DAGLB: variants seen among roughly 807,000 people sequenced by gnomAD.
DAGLB encodes diacylglycerol lipase beta, also known as diacylglycerol lipase-beta.
A neutral mutation model predicts 72.1 loss-of-function variants in DAGLB; 66 were observed. The observed-to-expected ratio is 0.92, with a 90% CI of 0.75 to 1.12. The LOEUF (loss-of-function observed/expected upper bound fraction) is 1.12. Ranked by LOEUF, DAGLB falls within the 50% of genes most tolerant of loss-of-function variation. DAGLB has a pLI of 0.00. For missense variants in DAGLB, 1,065 were observed against 884.9 expected (o/e 1.20, Z -2.58); for synonymous variants, 414 against 359.5 (o/e 1.15, Z -1.71).
At position 6,409,747 on chromosome 7, in the gene DAGLB, T is replaced by C. The variant is rs182599475; in HGVS notation, c.*90A>G. The C allele has an allele frequency of 7.0e-4, 991 of 1,416,414 alleles. 10 individuals are homozygous for C. In the Middle Eastern group the frequency reaches 9.4e-3, roughly 13 times the overall value. 87.7% of individuals were successfully genotyped at this position (1,416,414 alleles called of 1,614,324 possible). ...TTCCTGTTGATGGACATTCGCTGTTTTGGCGTCATGGGAACTCCTCGGATG... is the reference window on the plus strand; with the variant it reads ...TTCCTGTTGATGGACATTCGCTGTTCTGGCGTCATGGGAACTCCTCGGATG... On this transcript the variant is annotated 3_prime_UTR_variant, in exon 15 of 15. Coordinates refer to ENST00000297056, the MANE Select transcript of DAGLB (RefSeq NM_139179.4).
rs1423946268 is a variant in DAGLB at position 6,437,260 on chromosome 7, C to G, written c.248-727G>C. ...CCAGGCAAACAGGGATATATGGTCA[C>G]CCAAGTTCTAACAGCCATGAAAACA... On this transcript the variant is annotated intron_variant, in intron 2 of 14. Transcript: ENST00000297056. Among the ~76,000 whole-genome samples the G allele has an allele frequency of 2.6e-5, 4 of 151,840 alleles. No homozygotes were observed. The East Asian group carries it at 7.7e-4, about 29-fold the overall frequency.
intron 13 of DAGLB, among the ~76,000 whole-genome samples, chr7:6,410,689 C>T (rs968760607): frequency 1.1e-4 from 16 of 152,072 alleles, no homozygotes; most frequent in African/African-American, 3.4e-4. Flanking sequence ...AATTATTTTC[C>T]GGCAATTCTG....
chr7:6,411,454 T>G (rs1783726655), intron 13 of DAGLB, among the ~76,000 whole-genome samples: 1 of 152,186 alleles, frequency 6.6e-6, no homozygotes, highest in African/African-American at 2.4e-5. Context: ...AGACCCTGTC[T>G]CTACAAAAAA....
intron 3 of DAGLB, 32 bp downstream of exon 3, chr7:6,436,330 C>G (rs375349292): frequency 1.3e-6 from 2 of 1,584,574 alleles, no homozygotes; most frequent in Non-Finnish European, 1.7e-6. Flanking sequence ...CTCAAATCCA[C>G]TGAAACTCAA....
chr7:6,414,209 A>G (rs1783828638), intron 11 of DAGLB, among the ~76,000 whole-genome samples: 1 of 151,346 alleles, frequency 6.6e-6, no homozygotes, highest in African/African-American at 2.4e-5. Context: ...ATAGGGTTTC[A>G]CCGTGTTAGC....
At chr7:6,425,422 C>T (rs1456074747) in intron 7 of DAGLB, among the ~76,000 whole-genome samples, 1 of 152,184 alleles carries the variant, frequency 6.6e-6, no homozygotes, top group South Asian at 2.1e-4. Context: ...CAGGCGCCTG[C>T]CACCACGCCC....
At chr7:6,441,166 C>A (rs1289686063) in intron 2 of DAGLB, among the ~76,000 whole-genome samples, 1 of 150,406 alleles carries the variant, frequency 6.6e-6, no homozygotes, top group Non-Finnish European at 1.5e-5. Context: ...TCTCGGCTCA[C>A]TGCAAGCTCC....
chr7:6,415,640 C>T lies in DAGLB; in HGVS notation c.1427+987G>A, dbSNP rs112001377. On this transcript the variant is annotated intron_variant, in intron 11 of 14. Transcript: ENST00000297056. The stretch of plus-strand genomic sequence containing the variant: ...ATCATGAGGTCAGAAGACAGGAGAT[C>T]GAGACCATCCTGGCTAACACGGTGA... 9.9e-3 allele frequency among the ~76,000 whole-genome samples: 1,497 copies of T among 151,202 alleles called. 12 individuals are homozygous for T. The highest frequency in any genetic ancestry group is 0.058 in the Middle Eastern group (17 of 292).
Position 6,436,198 on chromosome 7 carries a change from GACAA to G in DAGLB, c.419+160_419+163del, listed in dbSNP as rs1784650420. ...AACGAAAGACGAGTTGTATTTCATG[GACAA>G]ACAGTGTCTCTAAATTTTCATGAGT... is the stretch of plus-strand genomic sequence containing the variant. On this transcript the variant is annotated intron_variant, in intron 3 of 14. Coordinates refer to ENST00000297056, the MANE Select transcript of DAGLB (RefSeq NM_139179.4). Among the ~76,000 whole-genome samples the G allele has an allele frequency of 3.3e-5, 5 of 152,118 alleles. No individual in the cohort carries two copies. In the South Asian group the frequency reaches 6.2e-4, roughly 19 times the overall value.
intron 1 of DAGLB, among the ~76,000 whole-genome samples, chr7:6,446,348 C>A (rs991316132): frequency 2.7e-5 from 4 of 149,336 alleles, no homozygotes; most frequent in African/African-American, 9.8e-5. Context: ...CGTAGTGGTG[C>A]GCACCTGTAG....
At chr7:6,429,327 T>C (rs1310762150) in intron 6 of DAGLB, among the ~76,000 whole-genome samples, 1 of 151,800 alleles carries the variant, frequency 6.6e-6, no homozygotes, top group East Asian at 1.9e-4. Context: ...TTCTACAAAA[T>C]ATCTGCACTG....
chr7:6,438,135 T>C (rs185880062), intron 2 of DAGLB, among the ~76,000 whole-genome samples: 1 of 151,366 alleles, frequency 6.6e-6, no homozygotes, highest in East Asian at 1.9e-4. Context: ...TTTTCACTCA[T>C]AGGTGGGAAC....
intron 4 of DAGLB, among the ~76,000 whole-genome samples, chr7:6,433,732 G>A (rs1050185022): frequency 6.6e-6 from 1 of 151,790 alleles, no homozygotes; most frequent in African/African-American, 2.4e-5. Context: ...CCCAGCTATT[G>A]TAGTACTCTA....
intron 9 of DAGLB, among the ~76,000 whole-genome samples, chr7:6,418,194 C>T: frequency 6.6e-6 from 1 of 151,446 alleles, no homozygotes; most frequent in East Asian, 2.0e-4. Flanking sequence ...CTAACATATA[C>T]ATCTGTCCTC....
At chr7:6,428,430 A>G (rs1784379707) in intron 6 of DAGLB, among the ~76,000 whole-genome samples, 1 of 151,610 alleles carries the variant, frequency 6.6e-6, no homozygotes, top group Admixed American at 6.6e-5. Flanking sequence ...CTGCCAGATG[A>G]GAATTCAGAG....
In DAGLB at chr7:6,409,674, TC is replaced by T. The variant is rs1378306371; in HGVS notation, c.*162del. The T allele has an allele frequency of 2.2e-5, 18 of 837,014 alleles. No homozygotes were observed. Among genetic ancestry groups the T allele is most frequent in the Admixed American group, 5.8e-5 (2 of 34,692 alleles). 51.8% of individuals were successfully genotyped at this position (837,014 alleles called of 1,614,324 possible). On this transcript the variant is annotated 3_prime_UTR_variant, in exon 15 of 15. Coordinates refer to ENST00000297056, the MANE Select transcript of DAGLB (RefSeq NM_139179.4). ...TGCTACCATTATGGCCACAATGACT[TC>T]CCATAAACTTAAGTCATTGAGACCA...
intron 13 of DAGLB, among the ~76,000 whole-genome samples, chr7:6,411,162 G>A (rs1438239777): frequency 4.6e-5 from 7 of 151,854 alleles, no homozygotes; most frequent in Admixed American, 6.5e-5. Context: ...GTGAGCCACC[G>A]CGCCCGGCCT....
At position 6,430,658 on chromosome 7, in the gene DAGLB, G is replaced by C. The variant is rs370182132; in HGVS notation, c.802-51C>G. On this transcript the variant is annotated intron_variant, in intron 5 of 14. Transcript: ENST00000297056. ...GTTTATTAAGGGAACTCCTGACACAGAGGATCAACACACTGAGACCTGAAA... is the reference window on the plus strand; with the variant it reads ...GTTTATTAAGGGAACTCCTGACACACAGGATCAACACACTGAGACCTGAAA... The C allele has an allele frequency of 3.1e-5, 45 of 1,474,164 alleles. No individual in the cohort carries two copies. The Admixed American group carries it at 7.3e-4, about 24-fold the overall frequency. The allele number at this position is 1,474,164 out of a possible 1,614,324, so 91.3% of individuals were successfully genotyped here.
Position 6,417,109 on chromosome 7 carries a change from G to A in DAGLB, c.1219-188C>T, listed in dbSNP as rs1783943662. Reference sequence around the variant, plus strand: ...CACCTTGCACAGCGCCTGACGTGAAGCAGGTGCCAGGTGTGGTGGCGCACG... The same window carrying A: ...CACCTTGCACAGCGCCTGACGTGAAACAGGTGCCAGGTGTGGTGGCGCACG... On this transcript the variant is annotated intron_variant, in intron 9 of 14. Transcript: ENST00000297056. The A allele has an allele frequency of 6.3e-6, 4 of 637,954 alleles. No homozygotes were observed. The Admixed American group carries it at 1.1e-4, about 18-fold the overall frequency. 39.5% of individuals were successfully genotyped at this position (637,954 alleles called of 1,614,324 possible).
Sources: gnomAD v4.1 joint callset for allele counts (sites outside exome capture counted in the v4.1 genomes callset) on GRCh38, gnomAD v4.1.1 for gene constraint, MANE v1.5 for transcripts, NCBI Gene and HGNC (gene_info 2026-07-23, HGNC 2026-07-21) for gene names.